The following NSUN4 variants were observed in gnomAD, a reference collection of about 807,000 sequenced individuals.
NSUN4 encodes NOP2/Sun RNA methyltransferase 4.
In NSUN4, 31 loss-of-function variants were observed where a neutral mutation model predicts 43.8. The ratio of observed to expected loss-of-function variants is 0.71; its 90% CI spans 0.53 to 0.96. The LOEUF (loss-of-function observed/expected upper bound fraction) is 0.96, where lower values mean the gene tolerates loss of function less well. NSUN4 is among the 40% of genes least tolerant of loss of function. The probability of loss-of-function intolerance (pLI) is 0.00; values close to 1 mark genes in which losing one functional copy is unlikely to be tolerated. For missense variants in NSUN4, 439 were observed against 475.6 expected, an observed-to-expected ratio of 0.92 and a Z score of 0.72; for synonymous variants, 167 against 184.1, an observed-to-expected ratio of 0.91 and a Z score of 0.75.
intron 4 of NSUN4, among the ~76,000 whole-genome samples, chr1:46,359,842 T>TG (rs1373654523): frequency 5.3e-5 from 8 of 151,960 alleles, no homozygotes; most frequent in South Asian, 2.1e-4. Flanking sequence ...CCTATTGGAG[T>TG]ATAATACAGA....
chr1:46,345,417 CAG>C (rs1013712973), intron 2 of NSUN4: 5 of 395,180 alleles, frequency 1.3e-5, no homozygotes, highest in African/African-American at 6.1e-5. Context: ...TTAGGTCCCT[CAG>C]ATGGTAAGTG....
At chr1:46,346,023 C>A (rs914155102) in intron 2 of NSUN4, among the ~76,000 whole-genome samples, 1 of 151,210 alleles carries the variant, frequency 6.6e-6, no homozygotes, top group Non-Finnish European at 1.5e-5. Flanking sequence ...TGGTGGCGTG[C>A]GCCTGTAGTC....
intron 1 of NSUN4, chr1:46,343,184 A>T (rs1354112710): frequency 4.6e-5 from 17 of 367,686 alleles, no homozygotes; most frequent in Non-Finnish European, 7.8e-5. Flanking sequence ...ATCATTCGAC[A>T]GGCCCCCCTC....
chr1:46,354,661 C>CT (rs11349261), intron 4 of NSUN4, among the ~76,000 whole-genome samples: 127 of 142,728 alleles, frequency 8.9e-4, no homozygotes, highest in Admixed American at 4.1e-3. Flanking sequence ...TCATTTTTTT[C>CT]TTTTTTTTTT....
chr1:46,374,883 G>A, the NSUN4 span, among the ~76,000 whole-genome samples: 1 of 140,908 alleles, frequency 7.1e-6, no homozygotes, highest in African/African-American at 2.5e-5. Context: ...ATGAGACCCC[G>A]TCTCTGGAAA....
chr1:46,384,779 A>G, the NSUN4 span, among the ~76,000 whole-genome samples: 3 of 152,172 alleles, frequency 2.0e-5, no homozygotes, highest in African/African-American at 7.2e-5. Flanking sequence ...TTAGCAGCAC[A>G]AAGTAGAGTC....
chr1:46,377,583 C>T, the NSUN4 span, among the ~76,000 whole-genome samples: 3 of 152,316 alleles, frequency 2.0e-5, no homozygotes, highest in Admixed American at 6.5e-5. Context: ...CAAGCTGACT[C>T]AACACTCAGA....
intron 4 of NSUN4, among the ~76,000 whole-genome samples, chr1:46,360,249 A>AAAAAAAAAATATATATATATAT (rs1553177947): frequency 7.8e-5 from 2 of 25,736 alleles, no homozygotes; most frequent in Admixed American, 5.9e-4. Context: ...AAAAAAAAAA[A>AAAAAAAAAATATATATATATAT]ATATATATAT....
chr1:46,366,566 G>T (rs1161631359), downstream of NSUN4, among the ~76,000 whole-genome samples: 3 of 151,742 alleles, frequency 2.0e-5, no homozygotes, highest in East Asian at 3.9e-4. Context: ...AGAGAAGGGG[G>T]TTGGCTGGGC....
chr1:46,344,526 A>C (rs1662339219), intron 1 of NSUN4, among the ~76,000 whole-genome samples: 1 of 152,126 alleles, frequency 6.6e-6, no homozygotes, highest in Non-Finnish European at 1.5e-5. Flanking sequence ...CTGAGCTCCC[A>C]TATTCCTAAG....
At chr1:46,378,856 G>A in the NSUN4 span, among the ~76,000 whole-genome samples, 1 of 152,188 alleles carries the variant, frequency 6.6e-6, no homozygotes, top group Non-Finnish European at 1.5e-5. Flanking sequence ...TTCTCCACAT[G>A]GCTTCTAGTC....
chr1:46,354,843 A>AT (rs34160166), intron 4 of NSUN4, among the ~76,000 whole-genome samples: 2 of 151,572 alleles, frequency 1.3e-5, no homozygotes, highest in Non-Finnish European at 2.9e-5. Context: ...CTAATTTTGT[A>AT]TTTTTTTAGT....
At chr1:46,368,933 C>G (rs1267341714), downstream of NSUN4, among the ~76,000 whole-genome samples, 2 of 152,178 alleles carry the variant, frequency 1.3e-5, no homozygotes, top group Non-Finnish European at 2.9e-5. Flanking sequence ...AGGATCAAGT[C>G]CAGACTTTTG....
At chr1:46,371,274 C>T in the NSUN4 span, among the ~76,000 whole-genome samples, 6 of 151,448 alleles carry the variant, frequency 4.0e-5, no homozygotes, top group African/African-American at 1.2e-4. Flanking sequence ...ATTACAGGTG[C>T]CTGTCACCAC....
chr1:46,375,252 A>C, the NSUN4 span, among the ~76,000 whole-genome samples: 2 of 152,040 alleles, frequency 1.3e-5, no homozygotes, highest in African/African-American at 4.8e-5. Context: ...CCTGACCAAC[A>C]TGGAGAAACT....
At chr1:46,355,368 G>GA (rs1367626835) in intron 4 of NSUN4, among the ~76,000 whole-genome samples, 1 of 152,184 alleles carries the variant, frequency 6.6e-6, no homozygotes, top group African/African-American at 2.4e-5. Flanking sequence ...TTAGGGCAAG[G>GA]ATTCTGGAGT....
At chr1:46,356,155 T>C (rs1458204853) in intron 4 of NSUN4, among the ~76,000 whole-genome samples, 1 of 152,180 alleles carries the variant, frequency 6.6e-6, no homozygotes. Context: ...CACTGCAGTC[T>C]TGACTTTCTG....
chr1:46,375,634 G>A, the NSUN4 span, among the ~76,000 whole-genome samples: 3 of 150,460 alleles, frequency 2.0e-5, no homozygotes, highest in Admixed American at 6.7e-5. Context: ...CTACTCTGAA[G>A]GCTGAGGTGG....
At chr1:46,343,246 C>T in intron 1 of NSUN4, 2 of 399,740 alleles carry the variant, frequency 5.0e-6, no homozygotes, top group East Asian at 7.1e-5. Context: ...CCACCCCAAC[C>T]TCGTTGTCAG....
Sources: allele counts gnomAD v4.1 joint callset (sites outside exome capture counted in the v4.1 genomes callset), GRCh38; gene constraint gnomAD v4.1.1; transcripts MANE v1.5; gene names NCBI Gene and HGNC (gene_info 2026-07-23, HGNC 2026-07-21).